The following SPIDR variants were observed in gnomAD, a reference collection of about 807,000 sequenced individuals.
SPIDR encodes scaffold protein involved in DNA repair.
A neutral mutation model predicts 104.6 loss-of-function variants in SPIDR; 93 were observed. The ratio of observed to expected loss-of-function variants is 0.89; its 90% CI spans 0.75 to 1.06. The LOEUF is 1.06. SPIDR is among the 50% of genes least tolerant of loss of function. The probability of loss-of-function intolerance (pLI) is 0.00; values close to 1 mark genes in which losing one functional copy is unlikely to be tolerated. For synonymous variants in SPIDR, 431 were observed against 416.9 expected (o/e 1.03, Z -0.41); for missense variants, 1,154 against 1,111.2 (o/e 1.04, Z -0.55).
intron 8 of SPIDR, among the ~76,000 whole-genome samples, chr8:47,498,039 G>A (rs1446076016): frequency 6.6e-6 from 1 of 152,212 alleles, no homozygotes; most frequent in Admixed American, 6.5e-5. Flanking sequence ...AGCAAGGTGA[G>A]CACTGCTTTC....
chr8:47,430,822 TG>T (rs2067228818), intron 7 of SPIDR, among the ~76,000 whole-genome samples: 1 of 152,386 alleles, frequency 6.6e-6, no homozygotes, highest in South Asian at 2.1e-4. Context: ...GTGTGATTAC[TG>T]GACACCATTT....
chr8:47,636,815 CAA>C (rs1247296002), intron 10 of SPIDR, among the ~76,000 whole-genome samples: 73 of 109,150 alleles, frequency 6.7e-4, no homozygotes, highest in Middle Eastern at 5.6e-3. Context: ...GACCCTATCT[CAA>C]AAAAAAAAAA....
intron 1 of SPIDR, among the ~76,000 whole-genome samples, chr8:47,277,509 A>G (rs1362947490): frequency 6.7e-6 from 1 of 148,540 alleles, no homozygotes; most frequent in East Asian, 2.0e-4. Context: ...GGGACCACAG[A>G]TGAACATTCC....
At chr8:47,576,799 A>G (rs935994130) in intron 8 of SPIDR, among the ~76,000 whole-genome samples, 13 of 152,234 alleles carry the variant, frequency 8.5e-5, no homozygotes, top group Non-Finnish European at 1.5e-5. Context: ...TTGCCTTAAA[A>G]TGCTCTAATA....
chr8:47,490,683 C>T (rs1294094173), intron 8 of SPIDR, among the ~76,000 whole-genome samples: 1 of 152,180 alleles, frequency 6.6e-6, no homozygotes, highest in Non-Finnish European at 1.5e-5. Context: ...AGGATGAGTT[C>T]ATGTCCTTTG....
chr8:47,735,706 G>T lies in SPIDR; in HGVS notation c.*256G>T. ...TACTCGTTTTCACATTGAATCTTAA[G>T]TTTAAGCTCTTCATTTGGTATTTAG... is the stretch of plus-strand genomic sequence containing the variant. On this transcript the variant is annotated 3_prime_UTR_variant, in exon 20 of 20. Coordinates refer to ENST00000297423, the MANE Select transcript of SPIDR (RefSeq NM_001080394.4). The T allele has an allele frequency of 1.2e-6, 1 of 826,122 alleles. No individual in the cohort carries two copies. The highest frequency in any genetic ancestry group is 2.0e-5 in the South Asian group (1 of 50,416). 51.2% of individuals were successfully genotyped at this position (826,122 alleles called of 1,614,324 possible).
intron 14 of SPIDR, among the ~76,000 whole-genome samples, chr8:47,712,101 CT>C (rs752415954): frequency 1.3e-5 from 2 of 151,548 alleles, no homozygotes; most frequent in Non-Finnish European, 2.9e-5. Context: ...GAATACCAGT[CT>C]AATGGAACTT....
intron 5 of SPIDR, among the ~76,000 whole-genome samples, chr8:47,347,941 A>G (rs965316069): frequency 6.6e-6 from 1 of 152,098 alleles, no homozygotes; most frequent in Admixed American, 6.5e-5. Context: ...CATTTAGCCC[A>G]TTTACATTTA....
chr8:47,701,880 C>T lies in SPIDR; in HGVS notation c.1917+16C>T, dbSNP rs2080236958. 1 of 1,613,994 alleles carries T rather than the reference C, an allele frequency of 6.2e-7. No homozygotes were observed. The highest frequency in any genetic ancestry group is 1.7e-5 in the Admixed American group (1 of 59,990). On this transcript the variant is annotated intron_variant, in intron 13 of 19. Coordinates refer to ENST00000297423, the MANE Select transcript of SPIDR (RefSeq NM_001080394.4). ...CATTCTCCAGGTAATGTCTTTGTTTCTAACAGGTTTTTTAGGTATTGGCCA... is the reference window on the plus strand; with the variant it reads ...CATTCTCCAGGTAATGTCTTTGTTTTTAACAGGTTTTTTAGGTATTGGCCA...
chr8:47,484,727 G>A (rs1482761492), intron 8 of SPIDR, among the ~76,000 whole-genome samples: 1 of 152,216 alleles, frequency 6.6e-6, no homozygotes, highest in South Asian at 2.1e-4. Context: ...ACATCATTGG[G>A]ACCAGTAGTA....
chr8:47,320,786 G>T (rs1295152900), intron 5 of SPIDR, among the ~76,000 whole-genome samples: 1 of 152,010 alleles, frequency 6.6e-6, no homozygotes, highest in Non-Finnish European at 1.5e-5. Context: ...TGCAAGGCAG[G>T]TTCAACATAT....
intron 8 of SPIDR, among the ~76,000 whole-genome samples, chr8:47,467,700 C>G (rs565989834): frequency 3.9e-4 from 59 of 152,170 alleles, no homozygotes; most frequent in African/African-American, 1.4e-3. Context: ...ATTGAAGGAA[C>G]ATACCTCAAA....
At chr8:47,352,659 G>A (rs1261388500) in intron 5 of SPIDR, among the ~76,000 whole-genome samples, 1 of 152,150 alleles carries the variant, frequency 6.6e-6, no homozygotes, top group East Asian at 1.9e-4. Context: ...TTTTGCTAAT[G>A]GTGAGAATGA....
chr8:47,439,688 A>G (rs1198524531), intron 7 of SPIDR, among the ~76,000 whole-genome samples: 3 of 152,352 alleles, frequency 2.0e-5, no homozygotes, highest in Non-Finnish European at 4.4e-5. Context: ...TTCCTGGGGC[A>G]GGTGGCAGGA....
chr8:47,401,879 A>C (rs879985576), intron 6 of SPIDR, among the ~76,000 whole-genome samples: 2 of 152,238 alleles, frequency 1.3e-5, no homozygotes, highest in Non-Finnish European at 2.9e-5. Flanking sequence ...CCACACAGTA[A>C]TAATGGGAGA....
At chr8:47,728,442 CAAAG>C (rs2084653831) in intron 17 of SPIDR, among the ~76,000 whole-genome samples, 1 of 150,708 alleles carries the variant, frequency 6.6e-6, no homozygotes, top group Non-Finnish European at 1.5e-5. Context: ...GACTCCATCT[CAAAG>C]AAAAGGAAAA....
At chr8:47,729,202 A>G (rs2084804800) in intron 18 of SPIDR, 155 bp downstream of exon 18, 1 of 1,504,934 alleles carries the variant, frequency 6.6e-7, no homozygotes, top group African/African-American at 1.4e-5. Flanking sequence ...TCTAGGTCCT[A>G]GGAGCTTCCC....
At chr8:47,274,043 G>A (rs1409142703) in intron 1 of SPIDR, among the ~76,000 whole-genome samples, 1 of 152,086 alleles carries the variant, frequency 6.6e-6, no homozygotes, top group Non-Finnish European at 1.5e-5. Context: ...CCCACCCTAA[G>A]TGACCTCAGT....
chr8:47,669,101 C>T (rs147638670), intron 10 of SPIDR, among the ~76,000 whole-genome samples: 1 of 152,152 alleles, frequency 6.6e-6, no homozygotes, highest in African/African-American at 2.4e-5. Context: ...AGATAAGCAA[C>T]TTTTGCAAGA....
Sources: gnomAD v4.1 joint callset for allele counts (sites outside exome capture counted in the v4.1 genomes callset) on GRCh38, gnomAD v4.1.1 for gene constraint, MANE v1.5 for transcripts, NCBI Gene and HGNC (gene_info 2026-07-23, HGNC 2026-07-21) for gene names.